P2RX7: variants seen among roughly 807,000 people sequenced by gnomAD.
P2RX7 encodes P2X purinoceptor 7.
P2RX7 carries 62 observed loss-of-function variants against 71.6 expected under a neutral mutation model. The observed-to-expected ratio is 0.87, with a 90% confidence interval of 0.71 to 1.07. The LOEUF is 1.07. Ranked by LOEUF, P2RX7 falls within the 50% of genes least tolerant of loss-of-function variation. The pLI is 0.00. For synonymous variants in P2RX7, 299 were observed against 283.3 expected (o/e 1.06, Z -0.56); for missense variants, 686 against 748.5 (o/e 0.92, Z 0.97).
rs753952762 is a variant in P2RX7 at position 121,155,000 on chromosome 12, GC to G, written c.294+49del. 1.9e-6 allele frequency: 3 copies of G among 1,606,990 alleles called. No homozygotes were observed. Among genetic ancestry groups the G allele is most frequent in the Non-Finnish European group, 2.6e-6 (3 of 1,176,130 alleles). ...CCCAGGCTCGTCGCTGGTCACCGTCGCCAGGGCCTAGCTCCCTTCCCCTAGG... is the reference window on the plus strand; with the variant it reads ...CCCAGGCTCGTCGCTGGTCACCGTCGCAGGGCCTAGCTCCCTTCCCCTAGG... On this transcript the variant is annotated intron_variant, in intron 2 of 12. Coordinates refer to ENST00000328963, the MANE Select transcript of P2RX7 (RefSeq NM_002562.6). This position sits in a 1 kb window ranked among gnomAD's most constrained non-coding sequence, Gnocchi z 4.2.
intron 8 of P2RX7, among the ~76,000 whole-genome samples, chr12:121,169,647 T>C (rs929578779): frequency 6.6e-6 from 1 of 152,212 alleles, no homozygotes; most frequent in Non-Finnish European, 1.5e-5. Flanking sequence ...GGCTTATGCC[T>C]GTAATCCCAG....
At chr12:121,162,225 T>C (rs756822208) in intron 4 of P2RX7, 199 bp from the exon 5 acceptor site, 138 of 1,379,502 alleles carry the variant, frequency 1.0e-4, no homozygotes, top group Non-Finnish European at 1.2e-4. Flanking sequence ...CTCTGATCTT[T>C]ATTATGTTTT....
At chr12:121,177,275 C>T (rs373584182) in intron 10 of P2RX7, 22 bp from the exon 11 acceptor site, 40 of 1,613,982 alleles carry the variant, frequency 2.5e-5, no homozygotes, top group African/African-American at 4.0e-5. Flanking sequence ...ACTAACGCAG[C>T]GCTTGTCTGC....
chr12:121,170,439 T>G (rs1881950347), intron 8 of P2RX7, among the ~76,000 whole-genome samples: 1 of 152,164 alleles, frequency 6.6e-6, no homozygotes, highest in Non-Finnish European at 1.5e-5. Context: ...GTAGAGCATT[T>G]GTTGTCTGGA....
intron 11 of P2RX7, 31 bp from the exon 12 acceptor site, chr12:121,180,323 A>G (rs752181574): frequency 3.8e-6 from 5 of 1,312,074 alleles, no homozygotes; most frequent in African/African-American, 3.0e-5. Flanking sequence ...CTGTACAAAA[A>G]TGGGTAAACT....
At chr12:121,151,085 C>T (rs1056536405) in intron 1 of P2RX7, among the ~76,000 whole-genome samples, 1 of 151,902 alleles carries the variant, frequency 6.6e-6, no homozygotes, top group South Asian at 2.1e-4. Context: ...TGCAGCCAGG[C>T]ACAGTGGCTG....
chr12:121,155,446 G>A (rs748175149), intron 2 of P2RX7: 43 of 1,186,340 alleles, frequency 3.6e-5, no homozygotes, highest in Non-Finnish European at 4.7e-5. Flanking sequence ...GAGAAGGCGT[G>A]TGACTTCTAG....
chr12:121,175,473 G>T lies in P2RX7; in HGVS notation c.967G>T (p.Gly323Cys). 7.4e-7 allele frequency: 1 copy of T among 1,348,624 alleles called. No individual in the cohort carries two copies. Among genetic ancestry groups the T allele is most frequent in the Non-Finnish European group, 1.1e-6 (1 of 937,488 alleles). The allele number at this position is 1,348,624 out of a possible 1,614,324, so 83.5% of individuals were successfully genotyped here. The part of the protein sequence containing the change: ...FGIRFDILVF[G>C]TGGKFDIIQL... ...GATCCGTTTTGACATCCTGGTTTTT[G>T]GCACCGTAAGTCTCGTTTCCCAGCT... Residue 323 changes from glycine to cysteine, a missense_variant, in exon 9 of 13, where the codon GGC becomes TGC. Transcript: ENST00000328963.
chr12:121,137,394 A>T (rs1873929965), intron 1 of P2RX7, among the ~76,000 whole-genome samples: 1 of 152,166 alleles, frequency 6.6e-6, no homozygotes, highest in Non-Finnish European at 1.5e-5. Flanking sequence ...CCCACTGGGA[A>T]GTGGGAGGTG....
rs533785390 is a variant in P2RX7, at chr12:121,166,116, C to T, written c.673C>T (p.Gln225Ter). Residue 225 changes from glutamine to a stop codon, truncating the protein, a stop_gained, in exon 7 of 13, where the codon CAG (glutamine) becomes TAG (stop). Coordinates refer to ENST00000328963, the MANE Select transcript of P2RX7 (RefSeq NM_002562.6). LOFTEE classifies it high-confidence loss of function. ...TCTFHKTQNP[Q>*]CPIFRLGDIF... ...TACCTTCCACAAGACTCAGAATCCA[C>T]AGTGTCCCATTTTCCGACTAGGAGA... is the stretch of plus-strand genomic sequence containing the variant. 1.2e-5 allele frequency: 20 copies of T among 1,613,850 alleles called. No homozygotes were observed. The South Asian group carries it at 2.1e-4, about 17-fold the overall frequency.
chr12:121,150,304 G>A (rs1877125849), intron 1 of P2RX7, among the ~76,000 whole-genome samples: 1 of 152,110 alleles, frequency 6.6e-6, no homozygotes, highest in African/African-American at 2.4e-5. Context: ...TTTAGGAGAG[G>A]GCCTGATTCC....
At chr12:121,176,294 G>A (rs556871238) in intron 9 of P2RX7, among the ~76,000 whole-genome samples, 1 of 150,622 alleles carries the variant, frequency 6.6e-6, no homozygotes, top group East Asian at 1.9e-4. Context: ...AAGAAAATTG[G>A]AGTGTTGCCT....
intron 4 of P2RX7, among the ~76,000 whole-genome samples, chr12:121,161,751 C>G (rs144013120): frequency 1.4e-5 from 2 of 147,802 alleles, no homozygotes; most frequent in Non-Finnish European, 3.0e-5. Flanking sequence ...AAGATCATGC[C>G]ACTGCACTCC....
intron 9 of P2RX7, among the ~76,000 whole-genome samples, 165 bp from the exon 10 acceptor site, chr12:121,176,982 A>G (rs548424628): frequency 6.6e-6 from 1 of 152,230 alleles, no homozygotes; most frequent in African/African-American, 2.4e-5. Flanking sequence ...GATGCCTGAG[A>G]GTCAGTTTCA....
chr12:121,167,796 C>T (rs686638), intron 8 of P2RX7, among the ~76,000 whole-genome samples, 172 bp downstream of exon 8: 51,571 of 151,708 alleles, frequency 0.34, 9,291 homozygotes, highest in African/African-American at 0.44. Flanking sequence ...AAAAGAGATG[C>T]ACACTCTTTA....
chr12:121,146,109 G>C (rs1876127869), intron 1 of P2RX7, among the ~76,000 whole-genome samples: 1 of 151,916 alleles, frequency 6.6e-6, no homozygotes, highest in South Asian at 2.1e-4. Flanking sequence ...CCTTTGGTTA[G>C]AGTTCTGCCT....
intron 1 of P2RX7, among the ~76,000 whole-genome samples, chr12:121,140,346 A>C (rs765035468): frequency 9.2e-5 from 14 of 152,182 alleles, no homozygotes; most frequent in Non-Finnish European, 1.5e-4. Flanking sequence ...ATGGGAAGCC[A>C]CTGAAAAGTT....
chr12:121,141,783 A>G (rs1874934547), intron 1 of P2RX7, among the ~76,000 whole-genome samples: 1 of 152,118 alleles, frequency 6.6e-6, no homozygotes, highest in Admixed American at 6.6e-5. Flanking sequence ...TAATCCTGGA[A>G]GATTGGTTGT....
At chr12:121,163,622 T>C (rs1195025463) in intron 5 of P2RX7, among the ~76,000 whole-genome samples, 4 of 92,056 alleles carry the variant, frequency 4.3e-5, no homozygotes, top group Admixed American at 1.1e-4. Flanking sequence ...GATAGATAGA[T>C]AGATAGATAG....
Sources: allele counts gnomAD v4.1 joint callset (sites outside exome capture counted in the v4.1 genomes callset), GRCh38; gene constraint gnomAD v4.1.1; non-coding constraint Gnocchi (gnomAD v3.1); transcripts MANE v1.5; gene names NCBI Gene and HGNC (gene_info 2026-07-23, HGNC 2026-07-21).